Variants in CYBC1 observed in about 807,000 individuals in gnomAD.
The protein encoded by CYBC1 is essential for reactive oxygen species protein.
In CYBC1, 22 loss-of-function variants were observed where a neutral mutation model predicts 21.7. The observed-to-expected ratio is 1.02, with a 90% CI of 0.73 to 1.45. The LOEUF (loss-of-function observed/expected upper bound fraction) is 1.45. Ranked by LOEUF, CYBC1 falls within the 40% of genes most tolerant of loss-of-function variation. The probability of loss-of-function intolerance (pLI) is 0.00; values close to 1 mark genes in which losing one functional copy is unlikely to be tolerated. For synonymous variants in CYBC1, 112 were observed against 98.7 expected (o/e 1.13, Z -0.80); for missense variants, 237 against 242.1 (o/e 0.98, Z 0.14).
At position 82,446,575 on chromosome 17, in the gene CYBC1, A is replaced by G. The variant is rs546476068; in HGVS notation, c.201+48T>C. On this transcript the variant is annotated intron_variant, in intron 4 of 6. Transcript: ENST00000306645. The stretch of plus-strand genomic sequence containing the variant: ...CTTTCATTCCCATTGCAAAAAACCC[A>G]GGAGCTGAACAGCCCTGGACTCTGT... 1.9e-6 allele frequency: 3 copies of G among 1,589,556 alleles called. No homozygotes were observed. In the East Asian group the frequency reaches 6.7e-5, roughly 36 times the overall value.
At chr17:82,445,837 C>T (rs145222903) in intron 5 of CYBC1, 27 bp downstream of exon 5, 15,999 of 1,571,374 alleles carry the variant, frequency 0.01, 180 homozygotes, top group Middle Eastern at 0.017. Context: ...GGCCGTGTCC[C>T]ATGTCCCCAC....
rs1456150900 is a variant in CYBC1 at position 82,442,690 on chromosome 17, G to A, written c.*1314C>T. 2.1e-5 allele frequency: 26 copies of A among 1,216,508 alleles called. No homozygotes were observed. The highest frequency in any genetic ancestry group is 9.0e-5 in the South Asian group (6 of 66,652). 75.4% of individuals were successfully genotyped at this position (1,216,508 alleles called of 1,614,324 possible). A position where few individuals can be genotyped will look rare whatever the true frequency, so the allele number is the denominator to read the frequency against. On this transcript the variant is annotated 3_prime_UTR_variant, in exon 7 of 7. Coordinates refer to ENST00000306645, the MANE Select transcript of CYBC1 (RefSeq NM_001033046.4). This position sits in a 1 kb window ranked among gnomAD's most constrained non-coding sequence, Gnocchi z 6.8. ...GGTTATGATGACCCTGTCCTGCAAC[G>A]AGGGACTGGCAGCCACTACTGAGGA...
chr17:82,448,231 G>T, intron 2 of CYBC1: 1 of 188,728 alleles, frequency 5.3e-6, no homozygotes, highest in Non-Finnish European at 1.1e-5. Flanking sequence ...GGGTAGCGAT[G>T]GAGGACGGGA....
chr17:82,444,536 C>T lies in CYBC1; in HGVS notation c.354G>A (p.Arg118=). 1.2e-6 allele frequency: 2 copies of T among 1,613,942 alleles called. No individual in the cohort carries two copies. Among genetic ancestry groups the T allele is most frequent in the Non-Finnish European group, 1.7e-6 (2 of 1,179,924 alleles). ...CCACCATGTAGCCTTTCCCGAAGTA[C>T]CGGACCTTCTCCTCCTCCACGCTCA... ...RDVSVEEEKV[R]YFGKGYMVVL... Residue 118 remains arginine (R), a synonymous_variant, in exon 6 of 7, where the codon CGG becomes CGA. Coordinates refer to ENST00000306645, the MANE Select transcript of CYBC1 (RefSeq NM_001033046.4).
intron 2 of CYBC1, 100 bp from the exon 3 acceptor site, chr17:82,447,721 T>A (rs1473365885): frequency 9.4e-7 from 1 of 1,060,474 alleles, no homozygotes; most frequent in African/African-American, 1.6e-5. Flanking sequence ...AGCAGGCCCT[T>A]CCCACTGTAG....
In CYBC1 at chr17:82,442,850, A is replaced by G. The variant is rs2054047595; in HGVS notation, c.*1154T>C. The G allele has an allele frequency of 2.3e-6, 1 of 440,886 alleles. No homozygotes were observed. Among genetic ancestry groups the G allele is most frequent in the South Asian group, 3.9e-5 (1 of 25,480 alleles). 27.3% of individuals were successfully genotyped at this position (440,886 alleles called of 1,614,324 possible). ...CACAGGGCCCAGGAGTCCCCAGCTC[A>G]CAGGCCAGGGCATCAGGCCAGGCGC... is the stretch of plus-strand genomic sequence containing the variant. On this transcript the variant is annotated 3_prime_UTR_variant, in exon 7 of 7. Coordinates refer to ENST00000306645, the MANE Select transcript of CYBC1 (RefSeq NM_001033046.4). This position sits in a 1 kb window ranked among gnomAD's most constrained non-coding sequence, Gnocchi z 6.8.
At position 82,445,848 on chromosome 17, in the gene CYBC1, G is replaced by A. The variant is rs767525750; in HGVS notation, c.298+16C>T. 4.4e-6 allele frequency: 7 copies of A among 1,593,314 alleles called. No homozygotes were observed. The highest frequency in any genetic ancestry group is 3.5e-5 in the Admixed American group (2 of 57,368). On this transcript the variant is annotated intron_variant, in intron 5 of 6. Transcript: ENST00000306645. ...CTGTGGCCGTGTCCCATGTCCCCACGCTCCCCACGACTCACCCTGGTCGTG... is the reference window on the plus strand; with the variant it reads ...CTGTGGCCGTGTCCCATGTCCCCACACTCCCCACGACTCACCCTGGTCGTG...
intron 3 of CYBC1, chr17:82,447,257 G>A (rs2054355156): frequency 7.4e-6 from 3 of 408,136 alleles, no homozygotes; most frequent in Non-Finnish European, 1.3e-5. Context: ...GGAGGCTGAG[G>A]CAGGAGAATG....
intron 4 of CYBC1, 94 bp downstream of exon 4, chr17:82,446,529 C>T: frequency 1.6e-6 from 2 of 1,265,224 alleles, no homozygotes; most frequent in Non-Finnish European, 2.3e-6. Context: ...GGCGCTAGGC[C>T]ACCCAGGGCC....
Position 82,442,626 on chromosome 17 carries a change from A to G in CYBC1, c.*1378T>C. The G allele has an allele frequency of 6.5e-7, 1 of 1,534,634 alleles. No homozygotes were observed. The highest frequency in any genetic ancestry group is 1.9e-5 in the Admixed American group (1 of 52,070). On this transcript the variant is annotated 3_prime_UTR_variant, in exon 7 of 7. Coordinates refer to ENST00000306645, the MANE Select transcript of CYBC1 (RefSeq NM_001033046.4). This position sits in a 1 kb window ranked among gnomAD's most constrained non-coding sequence, Gnocchi z 6.8. ...TGTGACACTGATTCTTTGGAAATAAAGAGTGGAAGCTGCAGGTGACACGTG... is the reference window on the plus strand; with the variant it reads ...TGTGACACTGATTCTTTGGAAATAAGGAGTGGAAGCTGCAGGTGACACGTG...
chr17:82,444,349 A>C (rs1380481977), intron 6 of CYBC1, 98 bp downstream of exon 6: 1 of 1,512,512 alleles, frequency 6.6e-7, no homozygotes, highest in Middle Eastern at 1.9e-4. Flanking sequence ...CCACAAACTC[A>C]TCTCCTCTCC....
intron 4 of CYBC1, 96 bp from the exon 5 acceptor site, chr17:82,446,056 C>G (rs985920208): frequency 2.1e-6 from 2 of 943,424 alleles, no homozygotes; most frequent in Non-Finnish European, 3.3e-6. Context: ...GGTGGACACT[C>G]AAGAAGGGGG....
At position 82,447,336 on chromosome 17, in the gene CYBC1, G is replaced by A; in HGVS notation, c.127+244C>T. ...CCACTGCACTCCAGCCTGGGTGACA[G>A]AGCGAGACTCCGTCTCAAAAAAAAA... On this transcript the variant is annotated intron_variant, in intron 3 of 6. Coordinates refer to ENST00000306645, the MANE Select transcript of CYBC1 (RefSeq NM_001033046.4). 8 of 551,978 alleles carry A rather than the reference G, an allele frequency of 1.4e-5. No individual in the cohort carries two copies. The South Asian group carries it at 1.6e-4, about 11-fold the overall frequency. 34.2% of individuals were successfully genotyped at this position (551,978 alleles called of 1,614,324 possible).
At position 82,443,818 on chromosome 17, in the gene CYBC1, G is replaced by A. The variant is rs765197672; in HGVS notation, c.*186C>T. On this transcript the variant is annotated 3_prime_UTR_variant, in exon 7 of 7. Coordinates refer to ENST00000306645, the MANE Select transcript of CYBC1 (RefSeq NM_001033046.4). This position sits in a 1 kb window ranked among gnomAD's most constrained non-coding sequence, Gnocchi z 6.7. Reference sequence around the variant, plus strand: ...CTCAGGCACACCGGGAATGTGCCACGGGTCCTGTGGGCGGTGCACGGGCTC... The same window carrying A: ...CTCAGGCACACCGGGAATGTGCCACAGGTCCTGTGGGCGGTGCACGGGCTC... 16 of 725,444 alleles carry A rather than the reference G, an allele frequency of 2.2e-5. No individual in the cohort carries two copies. Among genetic ancestry groups the A allele is most frequent in the East Asian group, 1.5e-4 (6 of 40,148 alleles). 44.9% of individuals were successfully genotyped at this position (725,444 alleles called of 1,614,324 possible).
intron 5 of CYBC1, 118 bp downstream of exon 5, chr17:82,445,746 G>C (rs1387879622): frequency 8.7e-6 from 6 of 691,914 alleles, no homozygotes; most frequent in Non-Finnish European, 1.2e-5. Flanking sequence ...TCACCAAGCA[G>C]GTGAGCTTGG....
intron 1 of CYBC1, 200 bp downstream of exon 1, chr17:82,450,500 C>T (rs1203339644): frequency 6.6e-6 from 1 of 152,286 alleles, no homozygotes; most frequent in East Asian, 1.9e-4. Context: ...TTTCTTTGTC[C>T]GGATCGGGGG....
rs371694408 is a variant in CYBC1, at chr17:82,444,059, G to A, written c.509C>T (p.Thr170Ile). 1 of 1,613,664 alleles carries A rather than the reference G, an allele frequency of 6.2e-7. No homozygotes were observed. The highest frequency in any genetic ancestry group is 2.2e-5 in the East Asian group (1 of 44,884). Residue 170 changes from threonine (T) to isoleucine (I), a missense_variant, in exon 7 of 7, where the codon ACA becomes ATA. Coordinates refer to ENST00000306645, the MANE Select transcript of CYBC1 (RefSeq NM_001033046.4). ...FLELHCLESP[T>I]ELSQSSDSEA... The stretch of plus-strand genomic sequence containing the variant: ...ACTGTCGCTGCTCTGAGACAGCTCT[G>A]TGGGGCTCTCAAGGCAGTGCAGCTC...
chr17:82,444,696 G>GA, intron 5 of CYBC1, 105 bp from the exon 6 acceptor site: 1 of 1,411,974 alleles, frequency 7.1e-7, no homozygotes, highest in Non-Finnish European at 9.6e-7. Context: ...ACACTTGGTT[G>GA]GCAGCAAAAG....
chr17:82,447,742 G>C (rs1403984985), intron 2 of CYBC1, 121 bp from the exon 3 acceptor site: 1 of 889,274 alleles, frequency 1.1e-6, no homozygotes, highest in East Asian at 2.6e-5. Context: ...GAACAGCTGT[G>C]GTCAGGGGTT....
Sources: gnomAD v4.1 joint callset for allele counts on GRCh38, gnomAD v4.1.1 for gene constraint, Gnocchi (gnomAD v3.1) non-coding constraint, MANE v1.5 for transcripts, NCBI Gene and HGNC (gene_info 2026-07-23, HGNC 2026-07-21) for gene names.